Variants in SH3BP5 observed in about 807,000 individuals in gnomAD.
The protein encoded by SH3BP5 is SH3 domain binding protein 5.
In SH3BP5, 22 loss-of-function variants were observed where a neutral mutation model predicts 43.3. The observed-to-expected ratio is 0.51, with a 90% CI of 0.36 to 0.73. The LOEUF (loss-of-function observed/expected upper bound fraction) is 0.73, where lower values mean the gene tolerates loss of function less well. SH3BP5 is among the 30% of genes least tolerant of loss of function. The probability of loss-of-function intolerance (pLI) is 0.00; values close to 1 mark genes in which losing one functional copy is unlikely to be tolerated. For synonymous variants in SH3BP5, 255 were observed against 225.8 expected (o/e 1.13, Z -1.16); for missense variants, 529 against 586.9 (o/e 0.90, Z 1.02).
At chr3:15,311,511 G>T (rs562174904) in intron 2 of SH3BP5, among the ~76,000 whole-genome samples, 1 of 152,178 alleles carries the variant, frequency 6.6e-6, no homozygotes, top group African/African-American at 2.4e-5. Context: ...AGTGAGCTGA[G>T]ATCACGCCAC....
chr3:15,301,013 G>A (rs1478043463), intron 3 of SH3BP5, among the ~76,000 whole-genome samples: 2 of 152,146 alleles, frequency 1.3e-5, no homozygotes, highest in South Asian at 2.1e-4. Flanking sequence ...AAGAGATGGA[G>A]AGGAGCCACC....
rs1210642192 is a variant in SH3BP5 at position 15,255,831 on chromosome 3, C to T, written c.*255G>A. ...GGAACTAGTTATTGCTTCCACAATG[C>T]CGTTATACGGAATGTTCCACAAAGG... On this transcript the variant is annotated 3_prime_UTR_variant, in exon 9 of 9. Coordinates refer to ENST00000383791, the MANE Select transcript of SH3BP5 (RefSeq NM_004844.5). 3 of 417,656 alleles carry T rather than the reference C, an allele frequency of 7.2e-6. No individual in the cohort carries two copies. In the East Asian group the frequency reaches 1.2e-4, roughly 17 times the overall value. The allele number at this position is 417,656 out of a possible 1,614,324, so 25.9% of individuals were successfully genotyped here.
At chr3:15,304,941 A>G (rs1211032536) in intron 2 of SH3BP5, among the ~76,000 whole-genome samples, 1 of 151,888 alleles carries the variant, frequency 6.6e-6, no homozygotes, top group Non-Finnish European at 1.5e-5. Context: ...TTTGGAAATT[A>G]AGCCCGTCTC....
intron 2 of SH3BP5, among the ~76,000 whole-genome samples, chr3:15,309,630 G>A (rs1245472870): frequency 6.6e-6 from 1 of 152,116 alleles, no homozygotes; most frequent in African/African-American, 2.4e-5. Flanking sequence ...TTGTTACCTG[G>A]GTGCAGAGTA....
chr3:15,330,579 A>AGAGGGAGAAAAAAAGACTT lies in SH3BP5; in HGVS notation c.139-32_139-14dup. The AGAGGGAGAAAAAAAGACTT allele has an allele frequency of 6.3e-7, 1 of 1,586,010 alleles. No individual in the cohort carries two copies. The highest frequency in any genetic ancestry group is 8.6e-7 in the Non-Finnish European group (1 of 1,165,820). On this transcript the variant is annotated splice_polypyrimidine_tract_variant and intron_variant, in intron 1 of 8. Coordinates refer to ENST00000383791, the MANE Select transcript of SH3BP5 (RefSeq NM_004844.5). ...TCTCCAGTTCTCCCTGGTGAAGAAA[A>AGAGGGAGAAAAAAAGACTT]GAGGGAGAAAAAAAGACTTAAGGGA...
intron 4 of SH3BP5, among the ~76,000 whole-genome samples, chr3:15,268,134 G>A (rs34826576): frequency 4.7e-4 from 71 of 152,312 alleles, no homozygotes; most frequent in Admixed American, 1.5e-3. Context: ...GGCAGGAGGC[G>A]CAAGGCCACA....
At position 15,258,920 on chromosome 3, in the gene SH3BP5, C is replaced by G; in HGVS notation, c.800G>C (p.Gly267Ala). 6.2e-7 allele frequency: 1 copy of G among 1,614,224 alleles called. No individual in the cohort carries two copies. Reference protein sequence around the residue: ...IHERRRSSAMGPRGCGVGAEG... With the variant: ...IHERRRSSAMAPRGCGVGAEG... ...AGCACCAACACCGCATCCCCGAGGC[C>G]CCATGGCACTGGAGCGCCGCCGCTC... is the stretch of plus-strand genomic sequence containing the variant. Residue 267 changes from glycine to alanine, a missense_variant, in exon 7 of 9, where the codon GGG (glycine) becomes GCG (alanine). Coordinates refer to ENST00000383791, the MANE Select transcript of SH3BP5 (RefSeq NM_004844.5).
At chr3:15,319,577 G>T (rs1330675526) in intron 2 of SH3BP5, among the ~76,000 whole-genome samples, 1 of 152,138 alleles carries the variant, frequency 6.6e-6, no homozygotes, top group Non-Finnish European at 1.5e-5. Flanking sequence ...TATAATAGAA[G>T]AGCTGCTCTG....
chr3:15,293,954 T>A (rs1157193741), intron 3 of SH3BP5, among the ~76,000 whole-genome samples: 1 of 151,624 alleles, frequency 6.6e-6, no homozygotes, highest in Non-Finnish European at 1.5e-5. Flanking sequence ...GGTGTGCACC[T>A]GTAGTCTCAG....
At chr3:15,263,097 A>C (rs779084530) in intron 4 of SH3BP5, among the ~76,000 whole-genome samples, 3 of 152,234 alleles carry the variant, frequency 2.0e-5, no homozygotes, top group Non-Finnish European at 2.9e-5. Flanking sequence ...GTGAGGAAAG[A>C]TTAAATAGCT....
intron 2 of SH3BP5, among the ~76,000 whole-genome samples, chr3:15,309,912 C>G (rs554905427): frequency 2.8e-5 from 4 of 144,716 alleles, no homozygotes; most frequent in African/African-American, 5.8e-5. Flanking sequence ...CTCCACCCCC[C>G]CCCCATAAGA....
intron 1 of SH3BP5, among the ~76,000 whole-genome samples, chr3:15,340,297 T>C (rs913349689): frequency 6.6e-6 from 1 of 152,164 alleles, no homozygotes; most frequent in African/African-American, 2.4e-5. Context: ...GTTAAGAAAT[T>C]TTTCTTGTAT....
intron 2 of SH3BP5, among the ~76,000 whole-genome samples, chr3:15,326,589 C>T (rs546652790): frequency 3.0e-4 from 45 of 152,334 alleles, no homozygotes; most frequent in South Asian, 1.2e-3. Context: ...TTCGTCTACT[C>T]GCTAAAATTT....
intron 4 of SH3BP5, 90 bp downstream of exon 4, chr3:15,269,623 C>G (rs1696741062): frequency 2.2e-6 from 3 of 1,370,676 alleles, no homozygotes; most frequent in Non-Finnish European, 2.9e-6. Flanking sequence ...AGGCAACATG[C>G]CTGGGAGTCG....
At chr3:15,322,850 C>CAAA (rs1487434349) in intron 2 of SH3BP5, among the ~76,000 whole-genome samples, 1 of 152,040 alleles carries the variant, frequency 6.6e-6, no homozygotes, top group East Asian at 1.9e-4. Flanking sequence ...AAAACAAAAA[C>CAAA]AAAGCGGGAG....
intron 4 of SH3BP5, among the ~76,000 whole-genome samples, chr3:15,269,363 G>A (rs1287238791): frequency 3.3e-5 from 5 of 152,078 alleles, no homozygotes; most frequent in South Asian, 2.1e-4. Context: ...TCACAGATTC[G>A]AAACCCAGCC....
intron 4 of SH3BP5, among the ~76,000 whole-genome samples, chr3:15,268,438 A>AACCCCGTACCC (rs1696704239): frequency 6.6e-6 from 1 of 151,992 alleles, no homozygotes; most frequent in South Asian, 2.1e-4. Flanking sequence ...GTCTTATTGG[A>AACCCCGTACCC]GCTGCTGAAG....
At chr3:15,290,525 CAAAAAA>C (rs3031239) in intron 3 of SH3BP5, among the ~76,000 whole-genome samples, 9 of 56,272 alleles carry the variant, frequency 1.6e-4, no homozygotes, top group African/African-American at 2.1e-4. Context: ...GACTCTGTCC[CAAAAAA>C]AAAAAAAAAA....
chr3:15,292,937 G>A (rs530706781), intron 3 of SH3BP5, among the ~76,000 whole-genome samples: 1 of 152,292 alleles, frequency 6.6e-6, no homozygotes, highest in South Asian at 2.1e-4. Flanking sequence ...CCAAGCAGGA[G>A]GTGCAACCCT....
Sources: allele counts gnomAD v4.1 joint callset (sites outside exome capture counted in the v4.1 genomes callset), GRCh38; gene constraint gnomAD v4.1.1; transcripts MANE v1.5; gene names NCBI Gene and HGNC (gene_info 2026-07-23, HGNC 2026-07-21).